SLC13A1: variants seen among roughly 807,000 people sequenced by gnomAD.
The protein encoded by SLC13A1 is Na(+)/sulfate cotransporter.
A neutral mutation model predicts 70.0 loss-of-function variants in SLC13A1; 65 were observed. That is an observed-to-expected ratio of 0.93 (90% CI 0.76 to 1.14). SLC13A1 has a LOEUF of 1.14. SLC13A1 is among the 50% of genes most tolerant of loss of function. SLC13A1 has a pLI of 0.00. For synonymous variants in SLC13A1, 275 were observed against 250.5 expected, an observed-to-expected ratio of 1.10 and a Z score of -0.92; for missense variants, 726 against 717.8, an observed-to-expected ratio of 1.01 and a Z score of -0.13.
chr7:123,121,943 T>G (rs2116269352), intron 12 of SLC13A1, among the ~76,000 whole-genome samples: 1 of 152,262 alleles, frequency 6.6e-6, no homozygotes, highest in East Asian at 1.9e-4. Flanking sequence ...GAGGTAGAGT[T>G]ATTCTGGGTA....
rs201883158 is a variant in SLC13A1, at chr7:123,125,558, T to C, written c.1240+11A>G. ...TGTTAAATTTATGCAGAATTATAAA[T>C]GATACTCAACCAATTTCTCCTGTAG... On this transcript the variant is annotated intron_variant, in intron 11 of 14. Transcript: ENST00000194130. 1.9e-6 allele frequency: 3 copies of C among 1,567,540 alleles called. No homozygotes were observed. Among genetic ancestry groups the C allele is most frequent in the African/African-American group, 1.4e-5 (1 of 73,310 alleles).
intron 14 of SLC13A1, 121 bp downstream of exon 14, chr7:123,117,350 A>G: frequency 2.1e-6 from 2 of 965,688 alleles, no homozygotes; most frequent in South Asian, 3.2e-5. Context: ...GCATTCATAA[A>G]CAGAATTCAG....
chr7:123,152,480 A>G (rs1380220646), intron 6 of SLC13A1, among the ~76,000 whole-genome samples: 3 of 152,042 alleles, frequency 2.0e-5, no homozygotes, highest in Admixed American at 2.0e-4. Context: ...AACATTGTAC[A>G]AGGGTTCTCC....
chr7:123,132,259 T>C (rs913036019), intron 8 of SLC13A1, among the ~76,000 whole-genome samples: 2 of 152,182 alleles, frequency 1.3e-5, no homozygotes, highest in African/African-American at 4.8e-5. Context: ...ATGGCAGTTC[T>C]GGAGAAAAAG....
chr7:123,128,932 A>G lies in SLC13A1; in HGVS notation c.1046T>C (p.Val349Ala). Residue 349 changes from valine to alanine, a missense_variant, in exon 10 of 15, where the codon GTG (valine) becomes GCG (alanine). Val to Ala is a moderately conservative substitution (Grantham distance 64). Transcript: ENST00000194130. Reference protein sequence around the residue: ...KLGPIRYQEIVTLVLFIIMAL... With the variant: ...KLGPIRYQEIATLVLFIIMAL... ...CATTATAATGAAGAGGACCAAGGTCACAATTTCTTGATACCTGTGGAAAAA... is the reference window on the plus strand; with the variant it reads ...CATTATAATGAAGAGGACCAAGGTCGCAATTTCTTGATACCTGTGGAAAAA... 6.2e-7 allele frequency: 1 copy of G among 1,612,560 alleles called. No homozygotes were observed. The highest frequency in any genetic ancestry group is 8.5e-7 in the Non-Finnish European group (1 of 1,178,930).
intron 8 of SLC13A1, among the ~76,000 whole-genome samples, chr7:123,131,613 C>T (rs1441487297): frequency 6.6e-6 from 1 of 152,154 alleles, no homozygotes; most frequent in African/African-American, 2.4e-5. Flanking sequence ...TGTTAATACC[C>T]AACATACTAA....
intron 7 of SLC13A1, among the ~76,000 whole-genome samples, chr7:123,144,896 C>A (rs1414423992): frequency 6.6e-6 from 1 of 152,086 alleles, no homozygotes. Context: ...AAATTTATAA[C>A]CTTGGAACAG....
In SLC13A1 at chr7:123,187,708, T is replaced by C. The variant is rs137874733; in HGVS notation, c.100-6607A>G. Among the ~76,000 whole-genome samples the C allele has an allele frequency of 4.9e-3, 749 of 152,344 alleles. 6 individuals are homozygous for C. The highest frequency in any genetic ancestry group is 0.017 in the African/African-American group (695 of 41,572). ...TTTGCAACTTGCTTTTTTCACTCAATATTTTATGTACTTCAAATACATTCA... is the reference window on the plus strand; with the variant it reads ...TTTGCAACTTGCTTTTTTCACTCAACATTTTATGTACTTCAAATACATTCA... On this transcript the variant is annotated intron_variant, in intron 1 of 14. Coordinates refer to ENST00000194130, the MANE Select transcript of SLC13A1 (RefSeq NM_022444.4).
chr7:123,173,684 A>G (rs1795347438), intron 2 of SLC13A1, among the ~76,000 whole-genome samples: 2 of 152,228 alleles, frequency 1.3e-5, no homozygotes, highest in South Asian at 4.1e-4. Flanking sequence ...ATACATTCTG[A>G]TGAGGACCAG....
At chr7:123,161,384 A>G (rs1449115489) in intron 6 of SLC13A1, among the ~76,000 whole-genome samples, 1 of 152,068 alleles carries the variant, frequency 6.6e-6, no homozygotes, top group Non-Finnish European at 1.5e-5. Flanking sequence ...AAAATATTAT[A>G]AACAACCACA....
chr7:123,132,746 A>G (rs1793810550), intron 8 of SLC13A1, among the ~76,000 whole-genome samples: 1 of 152,218 alleles, frequency 6.6e-6, no homozygotes, highest in Admixed American at 6.5e-5. Context: ...AAACCCCACA[A>G]AAATAAATTT....
chr7:123,163,512 T>C (rs1794977346), intron 6 of SLC13A1, among the ~76,000 whole-genome samples: 1 of 152,082 alleles, frequency 6.6e-6, no homozygotes, highest in African/African-American at 2.4e-5. Context: ...CTACTAAATA[T>C]CCATCATCTT....
chr7:123,183,105 A>G (rs900604176), intron 1 of SLC13A1, among the ~76,000 whole-genome samples: 2 of 152,084 alleles, frequency 1.3e-5, no homozygotes, highest in Admixed American at 6.6e-5. Context: ...ACAAGCCCCC[A>G]GATCCTTTAT....
intron 6 of SLC13A1, among the ~76,000 whole-genome samples, chr7:123,155,890 CCT>C (rs781532921): frequency 2.0e-5 from 3 of 152,048 alleles, no homozygotes; most frequent in East Asian, 3.9e-4. Context: ...GCTCAGTACC[CCT>C]GTTTTCCTTG....
intron 6 of SLC13A1, among the ~76,000 whole-genome samples, chr7:123,156,199 A>G (rs1585345120): frequency 6.6e-6 from 1 of 152,070 alleles, no homozygotes; most frequent in East Asian, 1.9e-4. Context: ...TTTTCCACTC[A>G]TCTTTTTACT....
chr7:123,146,427 A>C (rs569953651), intron 7 of SLC13A1, among the ~76,000 whole-genome samples: 1 of 152,330 alleles, frequency 6.6e-6, no homozygotes, highest in Admixed American at 6.5e-5. Flanking sequence ...CGGGAGGCTG[A>C]GGCACGACAA....
At chr7:123,180,383 C>T (rs1034001256) in intron 2 of SLC13A1, among the ~76,000 whole-genome samples, 1 of 152,254 alleles carries the variant, frequency 6.6e-6, no homozygotes, top group South Asian at 2.1e-4. Flanking sequence ...GTGGTTTAGA[C>T]AGTTGTTCAC....
chr7:123,170,488 C>T (rs1795231414), intron 3 of SLC13A1, among the ~76,000 whole-genome samples: 1 of 152,172 alleles, frequency 6.6e-6, no homozygotes, highest in African/African-American at 2.4e-5. Flanking sequence ...ACTTCTGCCC[C>T]ACTGTGAAGT....
Position 123,181,019 on chromosome 7 carries a change from A to G in SLC13A1, c.182T>C (p.Leu61Pro), listed in dbSNP as rs1327835708. ...AAACATGGGTAACATTAAACTAGGT[A>G]GCAAAGCTGTTACCGACAGAGGCAA... ...EALPLSVTAL[L>P]PSLMLPMFGI... The change falls in exon 2 of 15, where the codon CTA becomes CCA. Residue 61 changes from leucine (L) to proline (P), a missense_variant. Transcript: ENST00000194130. 1.9e-6 allele frequency: 3 copies of G among 1,612,886 alleles called. No individual in the cohort carries two copies. The highest frequency in any genetic ancestry group is 2.2e-5 in the East Asian group (1 of 44,852).
Sources: gnomAD v4.1 joint callset for allele counts (sites outside exome capture counted in the v4.1 genomes callset) on GRCh38, gnomAD v4.1.1 for gene constraint, MANE v1.5 for transcripts, NCBI Gene and HGNC (gene_info 2026-07-23, HGNC 2026-07-21) for gene names.